The following FBXL2 variants were observed in gnomAD, a reference collection of about 807,000 sequenced individuals.
The protein encoded by FBXL2 is F-box/LRR-repeat protein 2.
Under a neutral mutation model 69.2 loss-of-function variants are expected in FBXL2, and 38 were observed. The ratio of observed to expected loss-of-function variants is 0.55; its 90% confidence interval spans 0.42 to 0.72. The LOEUF (loss-of-function observed/expected upper bound fraction) is 0.72, where lower values mean the gene tolerates loss of function less well. Ranked by LOEUF, FBXL2 falls within the 30% of genes least tolerant of loss-of-function variation. The pLI is 0.00. For missense variants in FBXL2, 354 were observed against 520.3 expected, an observed-to-expected ratio of 0.68 and a Z score of 3.11; for synonymous variants, 192 against 201.3, an observed-to-expected ratio of 0.95 and a Z score of 0.39.
chr3:33,337,774 A>G (rs2039704093), intron 2 of FBXL2, among the ~76,000 whole-genome samples: 1 of 152,232 alleles, frequency 6.6e-6, no homozygotes, highest in Non-Finnish European at 1.5e-5. Flanking sequence ...AAGTTTCAGG[A>G]TACCAACTTA....
At chr3:33,312,898 A>T (rs1250369137) in intron 2 of FBXL2, among the ~76,000 whole-genome samples, 1 of 152,074 alleles carries the variant, frequency 6.6e-6, no homozygotes. Flanking sequence ...AGGCAGGTGG[A>T]TTGCCTGAGC....
chr3:33,388,877 A>C (rs1209437876), downstream of FBXL2: 3 of 152,216 alleles, frequency 2.0e-5, no homozygotes, highest in Non-Finnish European at 2.9e-5. Flanking sequence ...CTTCTGGGAG[A>C]GATTTCAAAC....
At chr3:33,365,119 T>G (rs895272789) in intron 5 of FBXL2, among the ~76,000 whole-genome samples, 1 of 152,222 alleles carries the variant, frequency 6.6e-6, no homozygotes, top group Admixed American at 6.5e-5. Flanking sequence ...TAAATTTTAC[T>G]AATTGATAAA....
chr3:33,335,225 A>C (rs2039487452), intron 2 of FBXL2, among the ~76,000 whole-genome samples: 2 of 152,072 alleles, frequency 1.3e-5, no homozygotes, highest in Non-Finnish European at 2.9e-5. Flanking sequence ...GAAAAAAAAA[A>C]CTGAGAGGAT....
intron 5 of FBXL2, among the ~76,000 whole-genome samples, chr3:33,371,142 T>C (rs935873891): frequency 1.3e-5 from 2 of 151,670 alleles, no homozygotes; most frequent in African/African-American, 4.8e-5. Context: ...CCAGTAAAGT[T>C]TTATATCAGC....
chr3:33,366,889 G>A (rs1006269058), intron 5 of FBXL2, among the ~76,000 whole-genome samples: 4 of 152,164 alleles, frequency 2.6e-5, no homozygotes, highest in South Asian at 2.1e-4. Context: ...GCCTGAACTC[G>A]GGAGGTGGAG....
intron 2 of FBXL2, among the ~76,000 whole-genome samples, chr3:33,335,611 A>C (rs1440671604): frequency 6.6e-6 from 1 of 152,200 alleles, no homozygotes. Flanking sequence ...ATAGAAGCAT[A>C]ATATTATTTC....
chr3:33,399,933 C>G (rs561441476), intron 12 of FBXL2, among the ~76,000 whole-genome samples: 1 of 152,076 alleles, frequency 6.6e-6, no homozygotes, highest in African/African-American at 2.4e-5. Flanking sequence ...ACTATATACA[C>G]CTACACACAA....
intron 6 of FBXL2, 41 bp downstream of exon 6, chr3:33,373,201 G>C (rs1374983271): frequency 6.2e-7 from 1 of 1,610,624 alleles, no homozygotes; most frequent in Non-Finnish European, 8.5e-7. Flanking sequence ...TAGCCACGGG[G>C]AGAGAGAAGG....
chr3:33,316,364 G>A (rs2037693245), intron 2 of FBXL2, among the ~76,000 whole-genome samples: 1 of 151,952 alleles, frequency 6.6e-6, no homozygotes, highest in African/African-American at 2.4e-5. Context: ...GAGCCACCAC[G>A]CCTAGCCTCC....
chr3:33,410,099 T>C, the FBXL2 span, among the ~76,000 whole-genome samples: 1 of 152,238 alleles, frequency 6.6e-6, no homozygotes, highest in African/African-American at 2.4e-5. Flanking sequence ...GGGGAAATTT[T>C]ACAGTCCAGA....
In FBXL2 at chr3:33,378,570, TTGAGA is replaced by T. The variant is rs781641814; in HGVS notation, c.895-110_895-106del. On this transcript the variant is annotated intron_variant, in intron 12 of 14. Coordinates refer to ENST00000484457, the MANE Select transcript of FBXL2 (RefSeq NM_012157.5). Reference sequence around the variant, plus strand: ...AGAGGAGCTCCCAGCCCCAGAGTGTTTGAGATGAGTTTTTAATTCTTTTACACCTT... The same window carrying T: ...AGAGGAGCTCCCAGCCCCAGAGTGTTTGAGTTTTTAATTCTTTTACACCTT... The T allele has an allele frequency of 1.1e-5, 12 of 1,048,686 alleles. No individual in the cohort carries two copies. In the Admixed American group the frequency reaches 1.4e-4, roughly 13 times the overall value. The allele number at this position is 1,048,686 out of a possible 1,614,324, so 65.0% of individuals were successfully genotyped here.
chr3:33,386,015 G>A lies in FBXL2; in HGVS notation c.*407G>A, dbSNP rs1028503716. 1 of 177,558 alleles carries A rather than the reference G, an allele frequency of 5.6e-6. No individual in the cohort carries two copies. Among genetic ancestry groups the A allele is most frequent in the Admixed American group, 5.3e-5 (1 of 18,746 alleles). The allele number at this position is 177,558 out of a possible 1,614,324, so 11.0% of individuals were successfully genotyped here. ...TTTCTACCTGATACTTAAGCCAGTG[G>A]CCTACTTTAATTCACAATTCCATTT... On this transcript the variant is annotated 3_prime_UTR_variant, in exon 15 of 15. Coordinates refer to ENST00000484457, the MANE Select transcript of FBXL2 (RefSeq NM_012157.5).
Position 33,379,681 on chromosome 3 carries a change from C to CA in FBXL2, c.951+950dup, listed in dbSNP as rs34431678. 6.0e-3 allele frequency among the ~76,000 whole-genome samples: 847 copies of CA among 140,354 alleles called. 2 individuals are homozygous for CA. The highest frequency in any genetic ancestry group is 0.015 in the South Asian group (65 of 4,400). The allele number at this position is 140,354 out of a possible 152,430, so 92.1% of individuals were successfully genotyped here. A position where few individuals can be genotyped will look rare whatever the true frequency, so the allele number is the denominator to read the frequency against. ...TATCAAAACCAAACAAAAATTGTAC[C>CA]AAAAAAAAAACAAAAACAAAAAAAA... On this transcript the variant is annotated intron_variant, in intron 13 of 14. Transcript: ENST00000484457.
At position 33,377,198 on chromosome 3, in the gene FBXL2, A is replaced by G. The variant is rs2042696396; in HGVS notation, c.789-75A>G. The G allele has an allele frequency of 1.4e-5, 19 of 1,354,982 alleles. No homozygotes were observed. In the South Asian group the frequency reaches 1.6e-4, roughly 12 times the overall value. The allele number at this position is 1,354,982 out of a possible 1,614,324, so 83.9% of individuals were successfully genotyped here. ...GTCAAAGAGCAGAAAAGACTCAAGT[A>G]TGCATCATAAAATATGTGTTTCCAT... is the stretch of plus-strand genomic sequence containing the variant. On this transcript the variant is annotated intron_variant, in intron 10 of 14. Coordinates refer to ENST00000484457, the MANE Select transcript of FBXL2 (RefSeq NM_012157.5).
chr3:33,315,095 A>G (rs1175508544), intron 2 of FBXL2, among the ~76,000 whole-genome samples: 1 of 152,182 alleles, frequency 6.6e-6, no homozygotes, highest in Non-Finnish European at 1.5e-5. Flanking sequence ...TGTGTGCTCA[A>G]AAGTCAAGAT....
chr3:33,371,675 T>C (rs949898101), intron 5 of FBXL2, among the ~76,000 whole-genome samples: 26 of 152,210 alleles, frequency 1.7e-4, no homozygotes, highest in Non-Finnish European at 8.8e-5. Context: ...TTTTCCTCCT[T>C]CTATGAAAAC....
At chr3:33,374,314 A>C (rs1425490359) in intron 9 of FBXL2, among the ~76,000 whole-genome samples, 1 of 152,212 alleles carries the variant, frequency 6.6e-6, no homozygotes, top group Non-Finnish European at 1.5e-5. Flanking sequence ...GATAAAATGA[A>C]ATAACACATG....
chr3:33,305,494 G>A (rs1302760358), intron 2 of FBXL2, among the ~76,000 whole-genome samples: 2 of 151,676 alleles, frequency 1.3e-5, no homozygotes, highest in Non-Finnish European at 3.0e-5. Context: ...GTATTTTTGA[G>A]TGACCAGGGC....
Sources: gnomAD v4.1 joint callset for allele counts (sites outside exome capture counted in the v4.1 genomes callset) on GRCh38, gnomAD v4.1.1 for gene constraint, MANE v1.5 for transcripts, NCBI Gene and HGNC (gene_info 2026-07-23, HGNC 2026-07-21) for gene names.